MYL12A: variants seen among roughly 807,000 people sequenced by gnomAD.
MYL12A encodes myosin light chain 12A.
Under a neutral mutation model 13.3 loss-of-function variants are expected in MYL12A, and 11 were observed. That is an observed-to-expected ratio of 0.83 (90% CI 0.52 to 1.37). The LOEUF is 1.37. MYL12A is among the 40% of genes most tolerant of loss of function. MYL12A has a pLI of 0.00. For synonymous variants in MYL12A, 51 were observed against 69.9 expected (o/e 0.73, Z 1.35); for missense variants, 146 against 212.3 (o/e 0.69, Z 1.94).
chr18:3,252,572 A>C, intron 1 of MYL12A: 1 of 852,078 alleles, frequency 1.2e-6, no homozygotes, highest in South Asian at 2.7e-5. Context: ...TTCTGTTTAG[A>C]GATCTTAGAT....
intron 1 of MYL12A, chr18:3,252,512 A>C (rs1040377252): frequency 3.2e-5 from 39 of 1,235,062 alleles, no homozygotes; most frequent in Middle Eastern, 5.9e-4. Context: ...TTCTACGTTT[A>C]AGATGTTTTC....
Position 3,253,528 on chromosome 18 carries a change from A to G in MYL12A, c.181+100A>G, listed in dbSNP as rs1256736453. On this transcript the variant is annotated intron_variant, in intron 2 of 3. Coordinates refer to ENST00000217652, the MANE Select transcript of MYL12A (RefSeq NM_006471.4). Reference sequence around the variant, plus strand: ...AAAGCTCTGTAAAGCCTGTCTAATGAGTCTACTAAGGTTTGAGTAAAGTGT... The same window carrying G: ...AAAGCTCTGTAAAGCCTGTCTAATGGGTCTACTAAGGTTTGAGTAAAGTGT... 4 of 1,392,664 alleles carry G rather than the reference A, an allele frequency of 2.9e-6. No individual in the cohort carries two copies. In the African/African-American group the frequency reaches 5.8e-5, roughly 20 times the overall value. The allele number at this position is 1,392,664 out of a possible 1,614,324, so 86.3% of individuals were successfully genotyped here.
At chr18:3,253,555 G>A in intron 2 of MYL12A, 127 bp downstream of exon 2, 2 of 1,212,394 alleles carry the variant, frequency 1.6e-6, no homozygotes, top group Non-Finnish European at 2.3e-6. Context: ...GTAAAGTGTG[G>A]AACAGTGTTT....
intron 3 of MYL12A, 135 bp from the exon 4 acceptor site, chr18:3,255,611 T>C: frequency 8.7e-7 from 1 of 1,146,048 alleles, no homozygotes; most frequent in African/African-American, 1.6e-5. Context: ...TTTAAGTAGG[T>C]GGACACCCTG....
chr18:3,254,235 G>C (rs528693262), intron 3 of MYL12A, among the ~76,000 whole-genome samples, 185 bp downstream of exon 3: 1 of 152,182 alleles, frequency 6.6e-6, no homozygotes, highest in Non-Finnish European at 1.5e-5. Context: ...AGTTTACAAT[G>C]AATAGGTTGT....
chr18:3,251,223 T>C (rs2081482387), intron 1 of MYL12A, among the ~76,000 whole-genome samples: 1 of 151,634 alleles, frequency 6.6e-6, no homozygotes, highest in Non-Finnish European at 1.5e-5. Context: ...ATTAAAAGAA[T>C]AGGAAATATA....
At chr18:3,252,148 C>A in intron 1 of MYL12A, 1 of 498,368 alleles carries the variant, frequency 2.0e-6, no homozygotes. Flanking sequence ...AGTGTTTTGC[C>A]AGATCATAGC....
chr18:3,248,925 CTT>C (rs34272117), intron 1 of MYL12A, among the ~76,000 whole-genome samples: 11 of 147,510 alleles, frequency 7.5e-5, no homozygotes, highest in Admixed American at 2.0e-4. Context: ...TATACTTAGG[CTT>C]TTTTTTTTTA....
intron 1 of MYL12A, among the ~76,000 whole-genome samples, chr18:3,251,014 G>A (rs1353328815): frequency 2.0e-5 from 3 of 147,588 alleles, no homozygotes; most frequent in Non-Finnish European, 4.5e-5. Flanking sequence ...CTCTTAGCTA[G>A]TATTCAACAT....
intron 3 of MYL12A, 148 bp downstream of exon 3, chr18:3,254,198 C>A: frequency 1.1e-6 from 1 of 926,698 alleles, no homozygotes; most frequent in Non-Finnish European, 1.6e-6. Context: ...GTTTGTCACT[C>A]ACTTTGCTGC....
intron 3 of MYL12A, 86 bp downstream of exon 3, chr18:3,254,136 C>A: frequency 6.9e-7 from 1 of 1,458,468 alleles, no homozygotes; most frequent in South Asian, 1.2e-5. Context: ...AATATGATAA[C>A]GCTCTCAGGT....
At position 3,256,219 on chromosome 18, in the gene MYL12A, A is replaced by G. The variant is rs985046262; in HGVS notation, c.*301A>G. ...GCTCGATTTTTTCTGAATCATAATT[A>G]AACTTTATGATAAAATACTTACTTG... On this transcript the variant is annotated 3_prime_UTR_variant, in exon 4 of 4. Coordinates refer to ENST00000217652, the MANE Select transcript of MYL12A (RefSeq NM_006471.4). 5.5e-5 allele frequency: 15 copies of G among 275,064 alleles called. No homozygotes were observed. Among genetic ancestry groups the G allele is most frequent in the Non-Finnish European group, 9.5e-5 (14 of 147,952 alleles). The allele number at this position is 275,064 out of a possible 1,614,324, so 17.0% of individuals were successfully genotyped here.
rs149763598 is a variant in MYL12A, at chr18:3,255,727, C to T, written c.344-19C>T. On this transcript the variant is annotated intron_variant, in intron 3 of 3. Transcript: ENST00000217652. ...CTCAGAATAGTATGTATTCTGATCCCTTGTTCTTTATTCTCCAGGCACCAT... is the reference window on the plus strand; with the variant it reads ...CTCAGAATAGTATGTATTCTGATCCTTTGTTCTTTATTCTCCAGGCACCAT... The T allele has an allele frequency of 6.4e-4, 1,028 of 1,607,554 alleles. 3 individuals carry two copies. In the African/African-American group the frequency reaches 0.012, roughly 19 times the overall value.
At chr18:3,250,213 G>A (rs1291006345) in intron 1 of MYL12A, among the ~76,000 whole-genome samples, 1 of 152,142 alleles carries the variant, frequency 6.6e-6, no homozygotes, top group African/African-American at 2.4e-5. Flanking sequence ...AAAACTTAAA[G>A]TATAATAATA....
chr18:3,253,552 G>A, intron 2 of MYL12A, 124 bp downstream of exon 2: 1 of 1,212,250 alleles, frequency 8.2e-7, no homozygotes, highest in Non-Finnish European at 1.1e-6. Context: ...TGAGTAAAGT[G>A]TGGAACAGTG....
intron 1 of MYL12A, among the ~76,000 whole-genome samples, chr18:3,252,781 A>G (rs1475023010): frequency 1.3e-5 from 2 of 152,206 alleles, no homozygotes; most frequent in South Asian, 2.1e-4. Flanking sequence ...AGCTTTAACA[A>G]TATTTGTCAA....
At chr18:3,254,349 A>G (rs1192214043) in intron 3 of MYL12A, among the ~76,000 whole-genome samples, 1 of 152,240 alleles carries the variant, frequency 6.6e-6, no homozygotes, top group African/African-American at 2.4e-5. Flanking sequence ...AACTTTTACC[A>G]GAATAATCTT....
At chr18:3,252,444 TTTTTAA>T in intron 1 of MYL12A, 3 of 1,309,208 alleles carry the variant, frequency 2.3e-6, no homozygotes, top group Non-Finnish European at 3.0e-6. Flanking sequence ...TTAGACATTC[TTTTTAA>T]TTTTAACTTA....
intron 1 of MYL12A, among the ~76,000 whole-genome samples, chr18:3,250,894 A>G (rs1330087234): frequency 6.6e-6 from 1 of 152,212 alleles, no homozygotes; most frequent in Admixed American, 6.5e-5. Context: ...TTCTGGAATG[A>G]AAACTATGAC....
Sources: allele counts gnomAD v4.1 joint callset (sites outside exome capture counted in the v4.1 genomes callset), GRCh38; gene constraint gnomAD v4.1.1; transcripts MANE v1.5; gene names NCBI Gene and HGNC (gene_info 2026-07-23, HGNC 2026-07-21).